TCF7L1: variants seen among roughly 807,000 people sequenced by gnomAD.
The protein encoded by TCF7L1 is transcription factor 7 like 1.
TCF7L1 carries 18 observed loss-of-function variants against 63.7 expected under a neutral mutation model. The observed-to-expected ratio is 0.28, with a 90% CI of 0.20 to 0.42. TCF7L1 has a LOEUF of 0.42. Among genes scored for constraint, TCF7L1 ranks in the 10% least tolerant of loss-of-function variants. The pLI is 1.00. For synonymous variants in TCF7L1, 355 were observed against 340.9 expected, an observed-to-expected ratio of 1.04 and a Z score of -0.46; for missense variants, 654 against 779.3, an observed-to-expected ratio of 0.84 and a Z score of 1.91.
rs141268521 is a variant in TCF7L1, at chr2:85,309,153, G to A, written c.1458G>A (p.Leu486=). ...CCCCGGCCACTCCCTCTGCAGCTTT[G>A]GCCTCACCAGCTGCCCCTGCTGCCA... ...LDSPATPSAA[L]ASPAAPAATH... is the part of the protein sequence containing the mutation. The change falls in exon 12 of 12, where the codon TTG becomes TTA. Residue 486 remains leucine, a synonymous_variant. Transcript: ENST00000282111. 6,492 of 1,612,894 alleles carry A rather than the reference G, an allele frequency of 4.0e-3. 23 individuals are homozygous for A. The highest frequency in any genetic ancestry group is 5.1e-3 in the Non-Finnish European group (6,028 of 1,179,840).
chr2:85,299,897 A>ACACACACACACACACACACACACACACC (rs1681930815), intron 4 of TCF7L1, among the ~76,000 whole-genome samples: 1 of 149,216 alleles, frequency 6.7e-6, no homozygotes, highest in Non-Finnish European at 1.5e-5. Flanking sequence ...ACACACACAC[A>ACACACACACACACACACACACACACACC]CACACACTGA....
chr2:85,222,589 G>A (rs1383663752), intron 3 of TCF7L1, among the ~76,000 whole-genome samples: 3 of 147,406 alleles, frequency 2.0e-5, no homozygotes, highest in African/African-American at 7.7e-5. Context: ...AGGATTGCTT[G>A]AGCCAGGGAG....
At chr2:85,267,824 G>A (rs1270628262) in intron 3 of TCF7L1, among the ~76,000 whole-genome samples, 3 of 152,128 alleles carry the variant, frequency 2.0e-5, no homozygotes, top group African/African-American at 7.2e-5. Context: ...ACAAGGTAAC[G>A]CATCACTAAA....
chr2:85,151,262 C>G (rs1678008573), intron 3 of TCF7L1, among the ~76,000 whole-genome samples: 1 of 152,124 alleles, frequency 6.6e-6, no homozygotes, highest in Non-Finnish European at 1.5e-5. Flanking sequence ...CTTGATGACT[C>G]CTGTGGAGTT....
At chr2:85,222,256 G>A (rs150545389) in intron 3 of TCF7L1, among the ~76,000 whole-genome samples, 3,747 of 151,380 alleles carry the variant, frequency 0.025, 59 homozygotes, top group Middle Eastern at 0.037. Flanking sequence ...CAGGAGAATC[G>A]CTTGAAACCA....
chr2:85,145,562 C>T (rs1000845590), intron 3 of TCF7L1, among the ~76,000 whole-genome samples: 3 of 152,194 alleles, frequency 2.0e-5, no homozygotes, highest in African/African-American at 7.2e-5. Flanking sequence ...GCAAGACATA[C>T]CTTCTAGAGG....
Position 85,305,309 on chromosome 2 carries a change from G to C in TCF7L1, c.895G>C (p.Gly299Arg). Reference protein sequence around the residue: ...SPHMVAPAHPGLPTSGIPHPA... With the variant: ...SPHMVAPAHPRLPTSGIPHPA... ...TCACATGGTGGCTCCTGCCCACCCT[G>C]GCCTGCCCACCTCAGGGATCCCCCA... is the stretch of plus-strand genomic sequence containing the variant. Residue 299 changes from glycine (G) to arginine (R), a missense_variant, in exon 8 of 12, where the codon GGC becomes CGC. Around this residue, in one of 3 missense-constraint regions of TCF7L1, gnomAD observed 404 missense variants for 454.8 expected, o/e 0.89. Transcript: ENST00000282111. 1 of 1,613,776 alleles carries C rather than the reference G, an allele frequency of 6.2e-7. No homozygotes were observed. Among genetic ancestry groups the C allele is most frequent in the Non-Finnish European group, 8.5e-7 (1 of 1,179,946 alleles).
chr2:85,196,334 A>T (rs553465590), intron 3 of TCF7L1, among the ~76,000 whole-genome samples: 39 of 152,284 alleles, frequency 2.6e-4, no homozygotes, highest in Admixed American at 2.4e-3. Flanking sequence ...GGCTCAAGGG[A>T]TCCTCCCACC....
rs374339409 is a variant in TCF7L1, at chr2:85,134,122, G to T, written c.313+43G>T. ...CAGCCCCCCACTCTCGATTCCCGCT[G>T]CGCTCCGCTGCTCAGCCCGGGCGGC... On this transcript the variant is annotated intron_variant, in intron 2 of 11. Coordinates refer to ENST00000282111, the MANE Select transcript of TCF7L1 (RefSeq NM_031283.3). The surrounding 1 kb of genome is among the most constrained non-coding windows in gnomAD (Gnocchi z 5.0). 126 of 1,600,220 alleles carry T rather than the reference G, an allele frequency of 7.9e-5. 1 individual carries two copies. The highest frequency in any genetic ancestry group is 9.8e-5 in the Non-Finnish European group (115 of 1,174,210).
intron 3 of TCF7L1, among the ~76,000 whole-genome samples, chr2:85,234,131 C>CTTTTTTTTTTTTTTTTTTTTTTTTT (rs35508338): frequency 1.5e-5 from 1 of 65,240 alleles, no homozygotes; most frequent in Admixed American, 1.7e-4. Flanking sequence ...TTTTTCTTTT[C>CTTTTTTTTTTTTTTTTTTTTTTTTT]TTTTTTTTTT....
At chr2:85,240,991 C>T (rs1389594005) in intron 3 of TCF7L1, among the ~76,000 whole-genome samples, 5 of 151,940 alleles carry the variant, frequency 3.3e-5, no homozygotes, top group Non-Finnish European at 7.4e-5. Flanking sequence ...AAATCTGTGC[C>T]TTTTGTTTTT....
chr2:85,138,786 C>T (rs1677654393), intron 3 of TCF7L1, among the ~76,000 whole-genome samples: 1 of 152,162 alleles, frequency 6.6e-6, no homozygotes. Flanking sequence ...GGAAGCAAAA[C>T]ATACACACAC....
rs187852796 is a variant in TCF7L1 at position 85,300,032 on chromosome 2, A to G, written c.526-2452A>G. Among the ~76,000 whole-genome samples the G allele has an allele frequency of 2.5e-4, 38 of 152,278 alleles. 2 individuals are homozygous for G. In the East Asian group the frequency reaches 7.3e-3, roughly 29 times the overall value. ...ATGATATAGTTTGCATTTCTTTCTT[A>G]GAAAGTTTGTGTTATTCATAGTATA... On this transcript the variant is annotated intron_variant, in intron 4 of 11. Transcript: ENST00000282111.
intron 3 of TCF7L1, among the ~76,000 whole-genome samples, chr2:85,265,288 A>T (rs1680940814): frequency 8.4e-6 from 1 of 118,766 alleles, no homozygotes; most frequent in Non-Finnish European, 2.0e-5. Context: ...ATTACCTGGG[A>T]GCTTAAAAAA....
intron 3 of TCF7L1, among the ~76,000 whole-genome samples, chr2:85,159,570 TC>T (rs1317796366): frequency 6.6e-6 from 1 of 152,234 alleles, no homozygotes; most frequent in Non-Finnish European, 1.5e-5. Flanking sequence ...GGTTGGCAGT[TC>T]CTGGTGCCTT....
At position 85,309,659 on chromosome 2, in the gene TCF7L1, A is replaced by G; in HGVS notation, c.*197A>G. The G allele has an allele frequency of 4.1e-6, 2 of 486,664 alleles. No homozygotes were observed. Among genetic ancestry groups the G allele is most frequent in the Non-Finnish European group, 6.9e-6 (2 of 290,456 alleles). 30.1% of individuals were successfully genotyped at this position (486,664 alleles called of 1,614,324 possible). ...AAGGCTTTTTTAAAAAACAAAACAA[A>G]ACAACAAAAAAAAATCTTTATAAGA... is the stretch of plus-strand genomic sequence containing the variant. On this transcript the variant is annotated 3_prime_UTR_variant, in exon 12 of 12. Transcript: ENST00000282111.
intron 3 of TCF7L1, among the ~76,000 whole-genome samples, chr2:85,234,245 C>T (rs1286563021): frequency 6.7e-6 from 1 of 149,936 alleles, no homozygotes; most frequent in South Asian, 2.1e-4. Flanking sequence ...AGGCGATTCT[C>T]CTGCCTCAGC....
intron 3 of TCF7L1, among the ~76,000 whole-genome samples, chr2:85,226,576 T>G (rs1386256215): frequency 1.1e-5 from 1 of 90,338 alleles, no homozygotes; most frequent in Non-Finnish European, 2.2e-5. Flanking sequence ...ATAAAGTAGC[T>G]TCCTCTCCCA....
At chr2:85,260,323 T>G (rs1680829880) in intron 3 of TCF7L1, among the ~76,000 whole-genome samples, 1 of 152,108 alleles carries the variant, frequency 6.6e-6, no homozygotes, top group Non-Finnish European at 1.5e-5. Flanking sequence ...TACTGATGTT[T>G]CCAATTCATC....
Sources: allele counts gnomAD v4.1 joint callset (sites outside exome capture counted in the v4.1 genomes callset), GRCh38; gene constraint gnomAD v4.1.1; regional missense constraint gnomAD v4.1.1; non-coding constraint Gnocchi (gnomAD v3.1); transcripts MANE v1.5; gene names NCBI Gene and HGNC (gene_info 2026-07-23, HGNC 2026-07-21).